DENND4A: variants seen among roughly 807,000 people sequenced by gnomAD.
DENND4A encodes DENN domain containing 4A.
Under a neutral mutation model 199.3 loss-of-function variants are expected in DENND4A, and 70 were observed. The ratio of observed to expected loss-of-function variants is 0.35; its 90% CI spans 0.29 to 0.43. The LOEUF (loss-of-function observed/expected upper bound fraction) is 0.43, where lower values mean the gene tolerates loss of function less well. Among genes scored for constraint, DENND4A ranks in the 20% least tolerant of loss-of-function variants. DENND4A has a pLI of 1.00. For missense variants in DENND4A, 1,723 were observed against 2,255.8 expected, an observed-to-expected ratio of 0.76 and a Z score of 4.78; for synonymous variants, 686 against 766.9, an observed-to-expected ratio of 0.89 and a Z score of 1.74.
In DENND4A at chr15:65,715,552, G is replaced by A. The variant is rs774409901; in HGVS notation, c.1879C>T (p.Arg627Cys). 3.1e-6 allele frequency: 5 copies of A among 1,608,004 alleles called. No individual in the cohort carries two copies. The highest frequency in any genetic ancestry group is 1.1e-5 in the South Asian group (1 of 89,446). Residue 627 changes from arginine (R) to cysteine (C), a missense_variant, in exon 14 of 33, where the codon CGC becomes TGC. Arg to Cys is a radical substitution (Grantham distance 180). This residue lies in a region of DENND4A where 725 missense variants were observed against 952.9 expected (regional missense o/e 0.76). Coordinates refer to ENST00000443035, the MANE Select transcript of DENND4A (RefSeq NM_001320835.1). ...ACAAAAGAACATTCTTCAATGAAGC[G>A]AATAAACATTTGTGTTTTGGTCATC... ...NMMTKTQMFIRFIEECSFVSD... is the reference protein window; with the variant it reads ...NMMTKTQMFICFIEECSFVSD...
Position 65,669,859 on chromosome 15 carries a change from C to T in DENND4A, c.4707G>A (p.Thr1569=), listed in dbSNP as rs746572726. 36 of 1,613,706 alleles carry T rather than the reference C, an allele frequency of 2.2e-5. No homozygotes were observed. Among genetic ancestry groups the T allele is most frequent in the South Asian group, 4.4e-5 (4 of 91,050 alleles). ...CTGATGTTGAAATGCAAGACTGCCTCGTCTGACTTGAAATGGAGGATGGAA... is the reference window on the plus strand; with the variant it reads ...CTGATGTTGAAATGCAAGACTGCCTTGTCTGACTTGAAATGGAGGATGGAA... The part of the protein sequence containing the change: ...MHFPSSISSQ[T]RQSCISTSAS... The change falls in exon 27 of 33, where the codon ACG becomes ACA. Residue 1569 remains threonine (T), a synonymous_variant. Coordinates refer to ENST00000443035, the MANE Select transcript of DENND4A (RefSeq NM_001320835.1).
chr15:65,692,394 A>T (rs1485511811), intron 22 of DENND4A, among the ~76,000 whole-genome samples: 1 of 152,192 alleles, frequency 6.6e-6, no homozygotes, highest in Non-Finnish European at 1.5e-5. Flanking sequence ...ATCTCTGATC[A>T]CTTTAATTGT....
chr15:65,726,142 C>A (rs2075798889), intron 11 of DENND4A: 1 of 152,248 alleles, frequency 6.6e-6, no homozygotes, highest in Non-Finnish European at 1.5e-5. Flanking sequence ...AGACAAAATT[C>A]TTTTTCTAAT....
intron 1 of DENND4A, among the ~76,000 whole-genome samples, chr15:65,787,026 AAT>A (rs1200592316): frequency 2.0e-5 from 3 of 152,188 alleles, no homozygotes; most frequent in African/African-American, 7.2e-5. Context: ...CTATGATATA[AAT>A]AGTTATTTTA....
intron 1 of DENND4A, among the ~76,000 whole-genome samples, chr15:65,784,202 T>A (rs935938886): frequency 6.6e-6 from 1 of 151,834 alleles, no homozygotes; most frequent in African/African-American, 2.4e-5. Flanking sequence ...CTCAAAACCA[T>A]CAAAGTCATC....
chr15:65,779,389 G>A (rs1452863139), intron 1 of DENND4A, among the ~76,000 whole-genome samples: 1 of 150,384 alleles, frequency 6.6e-6, no homozygotes, highest in African/African-American at 2.5e-5. Context: ...CTGGGAGGCA[G>A]AGGTTGCAGT....
At chr15:65,715,745 G>T (rs770185174) in intron 13 of DENND4A, 122 bp from the exon 14 acceptor site, 70 of 894,788 alleles carry the variant, frequency 7.8e-5, no homozygotes, top group Non-Finnish European at 1.0e-4. Flanking sequence ...CTACCATTTC[G>T]CAAGTGCTGA....
rs2076928012 is a variant in DENND4A, at chr15:65,690,310, T to G, written c.4179+105A>C. 3.2e-6 allele frequency: 4 copies of G among 1,256,020 alleles called. No individual in the cohort carries two copies. In the African/African-American group the frequency reaches 6.0e-5, roughly 19 times the overall value. 77.8% of individuals were successfully genotyped at this position (1,256,020 alleles called of 1,614,324 possible). On this transcript the variant is annotated intron_variant, in intron 23 of 32. Transcript: ENST00000443035. Reference sequence around the variant, plus strand: ...AACTTACATACCCAATGAGTCCTTTTTATAAAGCTATGTTTAGAAGAATAG... The same window carrying G: ...AACTTACATACCCAATGAGTCCTTTGTATAAAGCTATGTTTAGAAGAATAG...
Position 65,746,754 on chromosome 15 carries a change from T to C in DENND4A, c.562-4970A>G, listed in dbSNP as rs138451822. ...GGACAGTTGTAAAACAAGAGCCATG[T>C]GGAAAGAGTATTTAAAAAATACCCT... On this transcript the variant is annotated intron_variant, in intron 4 of 32. Coordinates refer to ENST00000443035, the MANE Select transcript of DENND4A (RefSeq NM_001320835.1). Among the ~76,000 whole-genome samples the C allele has an allele frequency of 7.1e-3, 1,073 of 151,780 alleles. 16 individuals carry two copies. Among genetic ancestry groups the C allele is most frequent in the African/African-American group, 0.025 (1,033 of 41,374 alleles).
rs769062839 is a variant in DENND4A at position 65,691,152 on chromosome 15, G to A, written c.3442C>T (p.Pro1148Ser). 5 of 1,613,428 alleles carry A rather than the reference G, an allele frequency of 3.1e-6. No homozygotes were observed. The South Asian group carries it at 4.4e-5, about 14-fold the overall frequency. Residue 1148 changes from proline to serine, a missense_variant, in exon 23 of 33, where the codon CCT becomes TCT. Transcript: ENST00000443035. ...LEKESSDDDT[P>S]FDGSNYLADK... ...GCCAAATAGTTAGAACCATCAAAAG[G>A]TGTATCATCATCACTAGATTCCTTT...
intron 22 of DENND4A, among the ~76,000 whole-genome samples, chr15:65,693,008 A>C (rs1806518009): frequency 1.3e-5 from 2 of 152,166 alleles, no homozygotes; most frequent in Non-Finnish European, 2.9e-5. Flanking sequence ...ATGCACCCAG[A>C]AGAACAGGTA....
chr15:65,785,850 C>G (rs2077554051), intron 1 of DENND4A, among the ~76,000 whole-genome samples: 1 of 151,978 alleles, frequency 6.6e-6, no homozygotes, highest in African/African-American at 2.4e-5. Context: ...GGTCACTGTT[C>G]AAGAAATCTG....
At chr15:65,688,701 C>T (rs1448174070) in intron 23 of DENND4A, among the ~76,000 whole-genome samples, 1 of 152,160 alleles carries the variant, frequency 6.6e-6, no homozygotes, top group Non-Finnish European at 1.5e-5. Flanking sequence ...CTTCTCTGTT[C>T]AGGAAATATG....
intron 23 of DENND4A, among the ~76,000 whole-genome samples, chr15:65,680,059 T>C (rs2076519374): frequency 1.3e-5 from 2 of 152,118 alleles, no homozygotes; most frequent in South Asian, 4.1e-4. Context: ...TGAGCTGGAG[T>C]ATTTCATTTT....
At chr15:65,769,312 A>T (rs961151894) in intron 1 of DENND4A, among the ~76,000 whole-genome samples, 1 of 152,204 alleles carries the variant, frequency 6.6e-6, no homozygotes, top group Non-Finnish European at 1.5e-5. Flanking sequence ...AAGATGGCTT[A>T]GAAATAAATA....
chr15:65,785,788 C>A (rs774371757), intron 1 of DENND4A, among the ~76,000 whole-genome samples: 6 of 152,022 alleles, frequency 3.9e-5, no homozygotes, highest in Non-Finnish European at 8.8e-5. Context: ...GGAAAGCTCA[C>A]TATCAACAAT....
chr15:65,671,667 G>A, intron 25 of DENND4A, 125 bp downstream of exon 25: 1 of 673,172 alleles, frequency 1.5e-6, no homozygotes, highest in Non-Finnish European at 2.6e-6. Flanking sequence ...TGGGATTACA[G>A]GCGTGAGCCA....
chr15:65,670,046 T>G lies in DENND4A; in HGVS notation c.4607A>C (p.Asn1536Thr). ...FCGNIFLPFL[N>T]IEIRDLRRPG... Reference sequence around the variant, plus strand: ...TCGTCTTAAATCTCTTATTTCTATATTCAGAAAGGGTAAGAAGATATTGCC... The same window carrying G: ...TCGTCTTAAATCTCTTATTTCTATAGTCAGAAAGGGTAAGAAGATATTGCC... The change falls in exon 26 of 33, where the codon AAT (asparagine) becomes ACT (threonine). Residue 1536 changes from asparagine to threonine, a missense_variant. Asn to Thr is a moderately conservative substitution (Grantham distance 65, BLOSUM62 0). Transcript: ENST00000443035. 1 of 1,596,406 alleles carries G rather than the reference T, an allele frequency of 6.3e-7. No homozygotes were observed. Among genetic ancestry groups the G allele is most frequent in the South Asian group, 1.1e-5 (1 of 88,520 alleles).
chr15:65,749,105 T>G (rs1341076626), intron 4 of DENND4A, among the ~76,000 whole-genome samples: 1 of 150,678 alleles, frequency 6.6e-6, no homozygotes, highest in Admixed American at 6.6e-5. Context: ...AAAACCAATA[T>G]TCTCGTACTT....
Sources: allele counts gnomAD v4.1 joint callset (sites outside exome capture counted in the v4.1 genomes callset), GRCh38; gene constraint gnomAD v4.1.1; regional missense constraint gnomAD v4.1.1; transcripts MANE v1.5; gene names NCBI Gene and HGNC (gene_info 2026-07-23, HGNC 2026-07-21).